EPHA8: variants seen among roughly 807,000 people sequenced by gnomAD.
EPHA8 encodes the protein EPH receptor A8.
In EPHA8, 58 loss-of-function variants were observed where a neutral mutation model predicts 103.6. The ratio of observed to expected loss-of-function variants is 0.56; its 90% CI spans 0.45 to 0.70. The LOEUF is 0.70. Among genes scored for constraint, EPHA8 ranks in the 30% least tolerant of loss-of-function variants. The pLI is 0.00. For missense variants in EPHA8, 1,304 were observed against 1,395.2 expected (o/e 0.93, Z 1.04); for synonymous variants, 559 against 572.5 (o/e 0.98, Z 0.34).
intron 1 of EPHA8, among the ~76,000 whole-genome samples, chr1:22,564,883 G>A (rs897201338): frequency 1.1e-4 from 16 of 152,074 alleles, no homozygotes; most frequent in African/African-American, 2.2e-4. Context: ...AGCGAACTCC[G>A]GAGCTGGTGC....
chr1:22,581,720 C>G (rs565515203), intron 3 of EPHA8, among the ~76,000 whole-genome samples: 6 of 152,300 alleles, frequency 3.9e-5, no homozygotes, highest in Non-Finnish European at 8.8e-5. Context: ...TAGGGAATTG[C>G]AGCATATTTT....
chr1:22,589,244 C>T lies in EPHA8; in HGVS notation c.1315+38C>T, dbSNP rs1641310698. ...ACTCCGTCCCGCAGCGTCCTGGTCC[C>T]CCAGCTTCCCCTGCCTCAGACCCAT... On this transcript the variant is annotated intron_variant, in intron 5 of 16. Transcript: ENST00000166244. This position sits in a 1 kb window ranked among gnomAD's most constrained non-coding sequence, Gnocchi z 4.3. The T allele has an allele frequency of 6.2e-7, 1 of 1,614,062 alleles. No individual in the cohort carries two copies. The highest frequency in any genetic ancestry group is 8.5e-7 in the Non-Finnish European group (1 of 1,180,018).
In EPHA8 at chr1:22,601,730, C is replaced by T. The variant is rs370302532; in HGVS notation, c.3007C>T (p.Arg1003Trp). 4.0e-4 allele frequency: 629 copies of T among 1,560,554 alleles called. No homozygotes were observed. Among genetic ancestry groups the T allele is most frequent in the Non-Finnish European group, 4.8e-4 (555 of 1,152,548 alleles). The change falls in exon 17 of 17, where the codon CGG becomes TGG. Residue 1003 changes from arginine to tryptophan, a missense_variant. Arg to Trp is a moderately radical substitution (Grantham distance 101). Transcript: ENST00000166244. ...AQLTSTQGPR[R>W]HL Reference sequence around the variant, plus strand: ...GCTGACCAGCACCCAGGGGCCCCGCCGGCACCTCTGATGTACAGCCAGCAG... The same window carrying T: ...GCTGACCAGCACCCAGGGGCCCCGCTGGCACCTCTGATGTACAGCCAGCAG...
At chr1:22,599,490 A>G (rs536881505) in intron 13 of EPHA8, among the ~76,000 whole-genome samples, 2 of 152,132 alleles carry the variant, frequency 1.3e-5, no homozygotes, top group South Asian at 2.1e-4. Flanking sequence ...CCTGGCCCCA[A>G]TAGGAGCCCT....
intron 2 of EPHA8, among the ~76,000 whole-genome samples, chr1:22,570,166 A>G (rs1405768440): frequency 6.6e-6 from 1 of 152,212 alleles, no homozygotes; most frequent in Non-Finnish European, 1.5e-5. Flanking sequence ...ATGATCATTA[A>G]CATTGTTACT....
At chr1:22,581,358 C>T (rs1354473513) in intron 3 of EPHA8, among the ~76,000 whole-genome samples, 1 of 152,224 alleles carries the variant, frequency 6.6e-6, no homozygotes, top group Admixed American at 6.5e-5. Flanking sequence ...CCACCGTCCC[C>T]AAGTCTGGAT....
rs1641513349 is a variant in EPHA8, at chr1:22,596,181, C to T, written c.1765+8C>T. On this transcript the variant is annotated splice_region_variant and intron_variant, in intron 9 of 16. Transcript: ENST00000166244. The stretch of plus-strand genomic sequence containing the variant: ...ACTATCAGAATGGACAGGGTGAGTG[C>T]AGGGGCCCGGTGGTCTGGGGCAGAG... 7 of 1,613,514 alleles carry T rather than the reference C, an allele frequency of 4.3e-6. No individual in the cohort carries two copies. The highest frequency in any genetic ancestry group is 5.9e-6 in the Non-Finnish European group (7 of 1,179,726).
Position 22,593,466 on chromosome 1 carries a change from C to T in EPHA8, c.1440+16C>T, listed in dbSNP as rs372181873. ...CTACGAGAAGGTACCACGGGCAGGA[C>T]GGAGTGGGAGGGGCTGGGCCAGCAG... On this transcript the variant is annotated intron_variant, in intron 6 of 16. Transcript: ENST00000166244. 3.2e-5 allele frequency: 51 copies of T among 1,610,010 alleles called. 1 individual carries two copies. In the Middle Eastern group the frequency reaches 4.9e-4, roughly 16 times the overall value.
At chr1:22,590,139 C>G (rs1641335390) in intron 5 of EPHA8, among the ~76,000 whole-genome samples, 1 of 152,194 alleles carries the variant, frequency 6.6e-6, no homozygotes, top group Admixed American at 6.5e-5. Context: ...GGAACACCCA[C>G]TAAATGCCAA....
At chr1:22,582,208 A>G (rs180696661) in intron 3 of EPHA8, among the ~76,000 whole-genome samples, 1 of 152,214 alleles carries the variant, frequency 6.6e-6, no homozygotes. Context: ...GTTTGAGAAC[A>G]TCCTGATCCC....
At chr1:22,573,952 G>T (rs780314930) in intron 2 of EPHA8, among the ~76,000 whole-genome samples, 7 of 152,194 alleles carry the variant, frequency 4.6e-5, no homozygotes, top group African/African-American at 1.7e-4. Context: ...TGGTGGACCC[G>T]GGGCACTTGA....
rs1234647403 is a variant in EPHA8, at chr1:22,602,774, T to G, written c.*1033T>G. 1 of 152,388 alleles carries G rather than the reference T, an allele frequency of 6.6e-6. No homozygotes were observed. Among genetic ancestry groups the G allele is most frequent in the African/African-American group, 2.4e-5 (1 of 41,434 alleles). The allele number at this position is 152,388 out of a possible 1,614,324, so 9.4% of individuals were successfully genotyped here. A position where few individuals can be genotyped will look rare whatever the true frequency, so the allele number is the denominator to read the frequency against. ...CCAGCCCACCCCTTCCTGTAGCATA[T>G]GGGGAGACTAAGGCCTGGAGAGAGG... On this transcript the variant is annotated 3_prime_UTR_variant, in exon 17 of 17. Transcript: ENST00000166244.
chr1:22,577,979 G>A (rs752252860), intron 3 of EPHA8, among the ~76,000 whole-genome samples: 26 of 94 alleles, frequency 0.28, 3 homozygotes, highest in Admixed American at 0.33. Flanking sequence ...GTGCGTATGT[G>A]TGCATGTGTG....
intron 5 of EPHA8, among the ~76,000 whole-genome samples, chr1:22,591,644 T>TTC (rs1434261101): frequency 4.6e-5 from 7 of 152,168 alleles, no homozygotes; most frequent in African/African-American, 1.7e-4. Flanking sequence ...CCCACACAGC[T>TTC]TCACCCCTGC....
At position 22,569,372 on chromosome 1, in the gene EPHA8, G is replaced by A; in HGVS notation, c.159+19G>A. 1.3e-6 allele frequency: 2 copies of A among 1,572,282 alleles called. No homozygotes were observed. Among genetic ancestry groups the A allele is most frequent in the South Asian group, 1.2e-5 (1 of 82,948 alleles). Reference sequence around the variant, plus strand: ...TCATGGGGTGAGTGATGGGCACTGGGGACAACGTCATCCCTCTGTGAGCAG... The same window carrying A: ...TCATGGGGTGAGTGATGGGCACTGGAGACAACGTCATCCCTCTGTGAGCAG... On this transcript the variant is annotated intron_variant, in intron 2 of 16. Coordinates refer to ENST00000166244, the MANE Select transcript of EPHA8 (RefSeq NM_020526.5). This position sits in a 1 kb window ranked among gnomAD's most constrained non-coding sequence, Gnocchi z 4.5.
At chr1:22,588,628 G>C (rs936543893) in intron 4 of EPHA8, among the ~76,000 whole-genome samples, 3 of 151,614 alleles carry the variant, frequency 2.0e-5, no homozygotes, top group African/African-American at 4.8e-5. Context: ...CCTGATGGGT[G>C]GGGGGGATGG....
At chr1:22,591,452 C>T (rs1193694161) in intron 5 of EPHA8, among the ~76,000 whole-genome samples, 1 of 151,206 alleles carries the variant, frequency 6.6e-6, no homozygotes, top group Admixed American at 6.6e-5. Flanking sequence ...AACTCCTGGG[C>T]TCAAGTGATC....
At position 22,576,956 on chromosome 1, in the gene EPHA8, G is replaced by A; in HGVS notation, c.823+76G>A. On this transcript the variant is annotated intron_variant, in intron 3 of 16. Coordinates refer to ENST00000166244, the MANE Select transcript of EPHA8 (RefSeq NM_020526.5). The surrounding 1 kb of genome is among the most constrained non-coding windows in gnomAD (Gnocchi z 4.8). ...TTGGCAGGGCTGCCAGGGTGTAAGG[G>A]GGGACGTCAGAGCCCACAGGCACCT... 1 of 1,474,750 alleles carries A rather than the reference G, an allele frequency of 6.8e-7. No individual in the cohort carries two copies. Among genetic ancestry groups the A allele is most frequent in the Non-Finnish European group, 9.0e-7 (1 of 1,109,518 alleles). The allele number at this position is 1,474,750 out of a possible 1,614,324, so 91.4% of individuals were successfully genotyped here. A position where few individuals can be genotyped will look rare whatever the true frequency, so the allele number is the denominator to read the frequency against.
rs927395898 is a variant in EPHA8 at position 22,567,170 on chromosome 1, G to A, written c.95-2119G>A. Among the ~76,000 whole-genome samples, 4 of 152,150 alleles carry A rather than the reference G, an allele frequency of 2.6e-5. No homozygotes were observed. Among genetic ancestry groups the A allele is most frequent in the Non-Finnish European group, 4.4e-5 (3 of 68,010 alleles). On this transcript the variant is annotated intron_variant, in intron 1 of 16. Transcript: ENST00000166244. The surrounding 1 kb of genome is among the most constrained non-coding windows in gnomAD (Gnocchi z 4.2). Reference sequence around the variant, plus strand: ...TCCACTTGAGTGGCTCCGGGATAGGGACAGGTCTGGGCTGCATCCAGGCCA... The same window carrying A: ...TCCACTTGAGTGGCTCCGGGATAGGAACAGGTCTGGGCTGCATCCAGGCCA...
Sources: allele counts gnomAD v4.1 joint callset (sites outside exome capture counted in the v4.1 genomes callset), GRCh38; gene constraint gnomAD v4.1.1; non-coding constraint Gnocchi (gnomAD v3.1); transcripts MANE v1.5; gene names NCBI Gene and HGNC (gene_info 2026-07-23, HGNC 2026-07-21).